ST3GAL1: variants seen among roughly 807,000 people sequenced by gnomAD.
The protein encoded by ST3GAL1 is ST3 beta-galactoside alpha-2,3-sialyltransferase 1.
A neutral mutation model predicts 34.1 loss-of-function variants in ST3GAL1; 16 were observed. The ratio of observed to expected loss-of-function variants is 0.47; its 90% CI spans 0.32 to 0.71. The LOEUF is 0.71. Among genes scored for constraint, ST3GAL1 ranks in the 30% least tolerant of loss-of-function variants. The pLI is 0.04. For synonymous variants in ST3GAL1, 191 were observed against 184.7 expected, an observed-to-expected ratio of 1.03 and a Z score of -0.28; for missense variants, 353 against 447.4, an observed-to-expected ratio of 0.79 and a Z score of 1.90.
At chr8:133,564,745 C>A (rs918912930) in intron 1 of ST3GAL1, among the ~76,000 whole-genome samples, 1 of 152,192 alleles carries the variant, frequency 6.6e-6, no homozygotes, top group Non-Finnish European at 1.5e-5. Flanking sequence ...TGTTGAGAGA[C>A]CTTTACTGAA....
intron 2 of ST3GAL1, among the ~76,000 whole-genome samples, chr8:133,511,961 G>A (rs1434474258): frequency 2.0e-5 from 3 of 152,206 alleles, no homozygotes; most frequent in Admixed American, 6.5e-5. Flanking sequence ...GCTGAGGCAG[G>A]AGGATCGCTT....
intron 2 of ST3GAL1, among the ~76,000 whole-genome samples, chr8:133,536,338 C>T (rs928815376): frequency 2.0e-5 from 3 of 152,148 alleles, no homozygotes; most frequent in Non-Finnish European, 4.4e-5. Flanking sequence ...TTCGGATGCC[C>T]TTCAGGAACA....
At chr8:133,513,635 C>T (rs1486559533) in intron 2 of ST3GAL1, among the ~76,000 whole-genome samples, 2 of 152,136 alleles carry the variant, frequency 1.3e-5, no homozygotes, top group African/African-American at 2.4e-5. Context: ...ATGGCTCACA[C>T]CTGTAATCCC....
At chr8:133,533,682 C>T (rs1818222115) in intron 2 of ST3GAL1, among the ~76,000 whole-genome samples, 1 of 152,216 alleles carries the variant, frequency 6.6e-6, no homozygotes, top group Non-Finnish European at 1.5e-5. Context: ...CAATAGGGAT[C>T]CCCTTCCAGC....
intron 1 of ST3GAL1, among the ~76,000 whole-genome samples, chr8:133,549,513 T>A (rs1196220491): frequency 6.6e-6 from 1 of 152,164 alleles, no homozygotes; most frequent in African/African-American, 2.4e-5. Flanking sequence ...CCGACTGTGA[T>A]CTTCAATTAA....
At chr8:133,562,790 TTTCTTTCCTTCCTTCCTTCC>T (rs1213623051) in intron 1 of ST3GAL1, among the ~76,000 whole-genome samples, 19 of 130,840 alleles carry the variant, frequency 1.5e-4, no homozygotes, top group Non-Finnish European at 1.6e-4. Flanking sequence ...TCTTTCTTTC[TTTCTTTCCTTCCTTCCTTCC>T]TTCCTTCCTT....
In ST3GAL1 at chr8:133,467,896, C is replaced by A. The variant is rs1303287201; in HGVS notation, c.307-1806G>T. Reference sequence around the variant, plus strand: ...TCCTCTGGCTTAAGACCGTTAGACACGTCATGGGAAGCAACATGATCTGGA... The same window carrying A: ...TCCTCTGGCTTAAGACCGTTAGACAAGTCATGGGAAGCAACATGATCTGGA... On this transcript the variant is annotated intron_variant, in intron 5 of 9. Transcript: ENST00000522652. This position sits in a 1 kb window ranked among gnomAD's most constrained non-coding sequence, Gnocchi z 4.2. Among the ~76,000 whole-genome samples the A allele has an allele frequency of 1.3e-5, 2 of 152,138 alleles. No individual in the cohort carries two copies. The highest frequency in any genetic ancestry group is 4.8e-5 in the African/African-American group (2 of 41,430).
At chr8:133,555,063 A>G (rs935402171) in intron 1 of ST3GAL1, among the ~76,000 whole-genome samples, 1 of 151,906 alleles carries the variant, frequency 6.6e-6, no homozygotes, top group African/African-American at 2.4e-5. Context: ...AGGGCTGGGG[A>G]GACAAGGGAA....
At position 133,506,249 on chromosome 8, in the gene ST3GAL1, C is replaced by T. The variant is rs560554940; in HGVS notation, c.-428-7060G>A. Among the ~76,000 whole-genome samples the T allele has an allele frequency of 6.3e-4, 96 of 152,232 alleles. 3 individuals carry two copies. In the South Asian group the frequency reaches 0.02, roughly 31 times the overall value. On this transcript the variant is annotated intron_variant, in intron 2 of 9. Coordinates refer to ENST00000522652, the MANE Select transcript of ST3GAL1 (RefSeq NM_173344.3). ...AGACTTTGAATAGGTTATTATACCT[C>T]ACTGAGTTCCAATTTTTCATCTGTA... is the stretch of plus-strand genomic sequence containing the variant.
intron 3 of ST3GAL1, among the ~76,000 whole-genome samples, chr8:133,485,786 G>A (rs1158988163): frequency 7.1e-6 from 1 of 141,136 alleles, no homozygotes; most frequent in Non-Finnish European, 1.6e-5. Flanking sequence ...AGAGGGTGGA[G>A]CTTTGGGGGG....
intron 3 of ST3GAL1, among the ~76,000 whole-genome samples, chr8:133,490,500 G>A (rs1030166366): frequency 6.6e-6 from 1 of 152,244 alleles, no homozygotes; most frequent in Admixed American, 6.5e-5. Context: ...AAGGGCCTTA[G>A]TGATCCACAA....
chr8:133,455,534 G>A lies in ST3GAL1; in HGVS notation c.*4230C>T, dbSNP rs986919357. ...TTTTCATGACAAACAAAAATGGGGA[G>A]GTTGACTCTATCTCAAAACTAGCTA... On this transcript the variant is annotated 3_prime_UTR_variant, in exon 10 of 10. Transcript: ENST00000522652. The A allele has an allele frequency of 1.3e-5, 2 of 152,214 alleles. No homozygotes were observed. The highest frequency in any genetic ancestry group is 2.4e-5 in the African/African-American group (1 of 41,426). 9.4% of individuals were successfully genotyped at this position (152,214 alleles called of 1,614,324 possible). A position where few individuals can be genotyped will look rare whatever the true frequency, so the allele number is the denominator to read the frequency against.
At position 133,466,002 on chromosome 8, in the gene ST3GAL1, A is replaced by T; in HGVS notation, c.395T>A (p.Leu132Gln). The T allele has an allele frequency of 1.2e-6, 2 of 1,614,222 alleles. No homozygotes were observed. The highest frequency in any genetic ancestry group is 1.7e-6 in the Non-Finnish European group (2 of 1,180,028). Residue 132 changes from leucine (L) to glutamine (Q), a missense_variant, in exon 6 of 10, where the codon CTG becomes CAG. Physicochemically the swap from Leu to Gln is moderately radical, Grantham distance 113. Transcript: ENST00000522652. The surrounding 1 kb of genome is among the most constrained non-coding windows in gnomAD (Gnocchi z 4.4). The stretch of plus-strand genomic sequence containing the variant: ...CCGGCAGCCCACCGACCTCTTCTCC[A>T]GCATAGGGTCCACATTCCCAGGCAC... ...RVVPGNVDPM[L>Q]EKRSVGCRRC...
intron 2 of ST3GAL1, among the ~76,000 whole-genome samples, chr8:133,522,247 A>T (rs1030031974): frequency 1.3e-5 from 2 of 152,212 alleles, no homozygotes; most frequent in African/African-American, 4.8e-5. Context: ...AGTTCAGAGG[A>T]TGTGGAAAAA....
At chr8:133,567,776 C>A (rs1207879322) in intron 1 of ST3GAL1, among the ~76,000 whole-genome samples, 1 of 152,174 alleles carries the variant, frequency 6.6e-6, no homozygotes, top group Admixed American at 6.5e-5. Flanking sequence ...AGTCCAGCTG[C>A]CCCAAGCCAG....
chr8:133,523,294 C>T (rs1394065133), intron 2 of ST3GAL1, among the ~76,000 whole-genome samples: 1 of 152,088 alleles, frequency 6.6e-6, no homozygotes, highest in Non-Finnish European at 1.5e-5. Context: ...TGCCACACCC[C>T]CATGCACACC....
rs761863842 is a variant in ST3GAL1, at chr8:133,462,009, A to G, written c.730-15T>C. The G allele has an allele frequency of 6.2e-6, 10 of 1,613,978 alleles. No homozygotes were observed. The highest frequency in any genetic ancestry group is 8.5e-6 in the Non-Finnish European group (10 of 1,179,956). On this transcript the variant is annotated splice_polypyrimidine_tract_variant and intron_variant, in intron 8 of 9. Transcript: ENST00000522652. Reference sequence around the variant, plus strand: ...TAGATCAGGATCTGCGGGGATGGGAAGACACGGCCCTTAGTGAGTTCTGGG... The same window carrying G: ...TAGATCAGGATCTGCGGGGATGGGAGGACACGGCCCTTAGTGAGTTCTGGG...
chr8:133,540,648 C>T (rs1818437474), intron 2 of ST3GAL1, among the ~76,000 whole-genome samples: 1 of 150,870 alleles, frequency 6.6e-6, no homozygotes, highest in South Asian at 2.1e-4. Context: ...TTGACCACCA[C>T]ACCCATGCTA....
chr8:133,514,220 T>C (rs1817579599), intron 2 of ST3GAL1, among the ~76,000 whole-genome samples: 2 of 152,220 alleles, frequency 1.3e-5, no homozygotes, highest in Non-Finnish European at 2.9e-5. Context: ...TTCTTACTCA[T>C]GGGGATCTAA....
Sources: allele counts gnomAD v4.1 joint callset (sites outside exome capture counted in the v4.1 genomes callset), GRCh38; gene constraint gnomAD v4.1.1; non-coding constraint Gnocchi (gnomAD v3.1); transcripts MANE v1.5; gene names NCBI Gene and HGNC (gene_info 2026-07-23, HGNC 2026-07-21).